Variants in MTX2 observed in about 807,000 individuals in gnomAD.
MTX2 encodes metaxin 2, also known as metaxin-2.
In MTX2, 35 loss-of-function variants were observed where a neutral mutation model predicts 42.3. The ratio of observed to expected loss-of-function variants is 0.83; its 90% CI spans 0.63 to 1.10. MTX2 has a LOEUF of 1.10. Ranked by LOEUF, MTX2 falls within the 50% of genes least tolerant of loss-of-function variation. MTX2 has a pLI of 0.00. For missense variants in MTX2, 307 were observed against 304.1 expected, an observed-to-expected ratio of 1.01 and a Z score of -0.07; for synonymous variants, 119 against 100.9, an observed-to-expected ratio of 1.18 and a Z score of -1.08.
chr2:176,319,722 C>T (rs1296427031), intron 3 of MTX2, among the ~76,000 whole-genome samples: 1 of 151,972 alleles, frequency 6.6e-6, no homozygotes, highest in Non-Finnish European at 1.5e-5. Flanking sequence ...ACTACAGGCA[C>T]ACACCACCAC....
At chr2:176,318,807 C>CAGT (rs1684506894) in intron 3 of MTX2, among the ~76,000 whole-genome samples, 1 of 152,176 alleles carries the variant, frequency 6.6e-6, no homozygotes, top group Admixed American at 6.5e-5. Flanking sequence ...GATAGACATC[C>CAGT]AGTAGACATC....
chr2:176,326,691 A>G (rs1684714165), intron 4 of MTX2, 134 bp from the exon 5 acceptor site: 1 of 570,154 alleles, frequency 1.8e-6, no homozygotes, highest in Non-Finnish European at 3.0e-6. Context: ...ACATCTGACA[A>G]AAATTTTCAA....
chr2:176,320,685 TTTAC>T lies in MTX2; in HGVS notation c.136-2703_136-2700del, dbSNP rs1390616040. Among the ~76,000 whole-genome samples, 15 of 145,284 alleles carry T rather than the reference TTTAC, an allele frequency of 1.0e-4. No individual in the cohort carries two copies. The South Asian group carries it at 3.1e-3, about 30-fold the overall frequency. On this transcript the variant is annotated intron_variant, in intron 3 of 9. Coordinates refer to ENST00000249442, the MANE Select transcript of MTX2 (RefSeq NM_006554.5). ...CAGCTAAGGTCTTACTTCCTCCCTT[TTTAC>T]TTATTCTTTTTTTTTTTTTTTTTGA...
At chr2:176,314,129 G>A (rs750424200) in intron 3 of MTX2, among the ~76,000 whole-genome samples, 6 of 151,734 alleles carry the variant, frequency 4.0e-5, no homozygotes, top group Non-Finnish European at 8.8e-5. Context: ...CCTTACTCGT[G>A]TCAGAAACCA....
intron 9 of MTX2, among the ~76,000 whole-genome samples, chr2:176,334,706 T>C (rs1401934511): frequency 6.6e-6 from 1 of 152,002 alleles, no homozygotes; most frequent in African/African-American, 2.4e-5. Context: ...AAATTAAATA[T>C]TCCACACATC....
At chr2:176,290,250 C>G (rs1367203913) in intron 1 of MTX2, among the ~76,000 whole-genome samples, 3 of 151,988 alleles carry the variant, frequency 2.0e-5, no homozygotes, top group Non-Finnish European at 2.9e-5. Context: ...TTGAAGTACT[C>G]TGGTTGATAC....
chr2:176,297,979 C>A, intron 3 of MTX2, 84 bp downstream of exon 3: 2 of 993,452 alleles, frequency 2.0e-6, no homozygotes, highest in South Asian at 2.1e-5. Flanking sequence ...TTTCCCCTTC[C>A]AAAATGTCTG....
chr2:176,319,829 C>G, intron 3 of MTX2, among the ~76,000 whole-genome samples: 1 of 151,998 alleles, frequency 6.6e-6, no homozygotes, highest in Non-Finnish European at 1.5e-5. Flanking sequence ...CTGCCTTGGC[C>G]TCCCAAAGTG....
intron 1 of MTX2, among the ~76,000 whole-genome samples, chr2:176,292,059 G>A (rs150670166): frequency 9.7e-4 from 148 of 152,252 alleles, no homozygotes; most frequent in African/African-American, 3.2e-3. Flanking sequence ...CTTTTGATGT[G>A]GTGAGAATAC....
intron 1 of MTX2, among the ~76,000 whole-genome samples, chr2:176,281,942 A>G (rs1389870482): frequency 2.6e-5 from 4 of 152,160 alleles, no homozygotes; most frequent in Non-Finnish European, 4.4e-5. Flanking sequence ...GAGGATGGAG[A>G]TAAGACAAGT....
chr2:176,269,795 G>C, intron 1 of MTX2, 126 bp downstream of exon 1: 1 of 1,188,498 alleles, frequency 8.4e-7, no homozygotes, highest in Non-Finnish European at 1.1e-6. Context: ...GATGGTGGAG[G>C]CGGGCACGGA....
chr2:176,309,060 T>C (rs1684226258), intron 3 of MTX2, among the ~76,000 whole-genome samples: 1 of 152,232 alleles, frequency 6.6e-6, no homozygotes, highest in Non-Finnish European at 1.5e-5. Context: ...CACACTGCTT[T>C]AAATGTGTTC....
At chr2:176,296,075 C>A (rs1365422827) in intron 1 of MTX2, among the ~76,000 whole-genome samples, 1 of 152,116 alleles carries the variant, frequency 6.6e-6, no homozygotes, top group Non-Finnish European at 1.5e-5. Context: ...GTTGATTAGA[C>A]AAAATTCAAA....
At chr2:176,292,730 A>AT (rs71004266) in intron 1 of MTX2, among the ~76,000 whole-genome samples, 2 of 151,938 alleles carry the variant, frequency 1.3e-5, no homozygotes, top group South Asian at 2.1e-4. Flanking sequence ...CAAACTAGAG[A>AT]TTTTTTTTCT....
chr2:176,286,031 TTGTC>T (rs925186061), intron 1 of MTX2, among the ~76,000 whole-genome samples: 1 of 152,216 alleles, frequency 6.6e-6, no homozygotes, highest in Non-Finnish European at 1.5e-5. Flanking sequence ...ACATTTGTTA[TTGTC>T]TGTCTTGTTG....
chr2:176,274,180 A>G (rs1692891777), intron 1 of MTX2, among the ~76,000 whole-genome samples: 1 of 152,202 alleles, frequency 6.6e-6, no homozygotes, highest in Non-Finnish European at 1.5e-5. Flanking sequence ...CCATTATGGA[A>G]AATGAAAACA....
intron 3 of MTX2, among the ~76,000 whole-genome samples, chr2:176,313,582 C>T (rs1330410123): frequency 2.0e-5 from 3 of 151,648 alleles, no homozygotes; most frequent in South Asian, 2.1e-4. Context: ...TTAGTAGAGA[C>T]GGGGTTTCAC....
chr2:176,306,301 C>T (rs1684142976), intron 3 of MTX2, among the ~76,000 whole-genome samples: 1 of 152,120 alleles, frequency 6.6e-6, no homozygotes, highest in Non-Finnish European at 1.5e-5. Flanking sequence ...TTTCTTAATC[C>T]AGTCTATCAC....
intron 1 of MTX2, among the ~76,000 whole-genome samples, chr2:176,287,179 G>A (rs1238900886): frequency 2.0e-5 from 3 of 152,054 alleles, no homozygotes; most frequent in African/African-American, 7.2e-5. Flanking sequence ...GTGCCTTATG[G>A]GCAGTTACTT....
Sources: gnomAD v4.1 joint callset for allele counts (sites outside exome capture counted in the v4.1 genomes callset) on GRCh38, gnomAD v4.1.1 for gene constraint, MANE v1.5 for transcripts, NCBI Gene and HGNC (gene_info 2026-07-23, HGNC 2026-07-21) for gene names.